The following DPH5 variants were observed in gnomAD, a reference collection of about 807,000 sequenced individuals.
DPH5 encodes the protein diphthine methyl ester synthase.
In DPH5, 31 loss-of-function variants were observed where a neutral mutation model predicts 31.6. The ratio of observed to expected loss-of-function variants is 0.98; its 90% CI spans 0.74 to 1.32. The LOEUF (loss-of-function observed/expected upper bound fraction) is 1.32. Ranked by LOEUF, DPH5 falls within the 40% of genes most tolerant of loss-of-function variation. The probability of loss-of-function intolerance (pLI) is 0.00; values close to 1 mark genes in which losing one functional copy is unlikely to be tolerated. For synonymous variants in DPH5, 120 were observed against 115.0 expected, an observed-to-expected ratio of 1.04 and a Z score of -0.28; for missense variants, 309 against 335.7, an observed-to-expected ratio of 0.92 and a Z score of 0.62.
intron 4 of DPH5, 174 bp downstream of exon 4, chr1:101,013,536 C>G (rs1159755344): frequency 2.4e-6 from 1 of 422,544 alleles, no homozygotes; most frequent in African/African-American, 2.0e-5. Flanking sequence ...GGGGGAAAAC[C>G]TAGCATAAAA....
At chr1:100,997,230 C>T (rs1418163490) in intron 5 of DPH5, among the ~76,000 whole-genome samples, 3 of 152,236 alleles carry the variant, frequency 2.0e-5, no homozygotes, top group African/African-American at 7.2e-5. Flanking sequence ...CCCACGTCTA[C>T]ACTTCCTTAG....
intron 4 of DPH5, among the ~76,000 whole-genome samples, chr1:101,003,549 C>A (rs1659021941): frequency 6.6e-6 from 1 of 152,084 alleles, no homozygotes; most frequent in South Asian, 2.1e-4. Context: ...TTGGGAGGAA[C>A]CCTTCTACAA....
intron 5 of DPH5, chr1:100,995,900 T>C (rs1391789198): frequency 1.3e-5 from 2 of 152,222 alleles, no homozygotes; most frequent in African/African-American, 4.8e-5. Flanking sequence ...TGAAAACAAA[T>C]GGTTCAGCCA....
intron 7 of DPH5, among the ~76,000 whole-genome samples, chr1:100,992,097 C>CAAA (rs746311294): frequency 1.7e-5 from 2 of 120,368 alleles, no homozygotes; most frequent in African/African-American, 3.1e-5. Context: ...GACCCTCTCT[C>CAAA]AAAAAAAAAA....
In DPH5 at chr1:100,990,516, A is replaced by C. The variant is rs1657575742; in HGVS notation, c.750T>G (p.His250Gln). 16 of 1,614,212 alleles carry C rather than the reference A, an allele frequency of 9.9e-6. No individual in the cohort carries two copies. Among genetic ancestry groups the C allele is most frequent in the Non-Finnish European group, 1.4e-5 (16 of 1,180,032 alleles). Residue 250 changes from histidine to glutamine, a missense_variant, in exon 8 of 8, where the codon CAT (histidine) becomes CAG (glutamine). Physicochemically the swap from His to Gln is conservative, Grantham distance 24 (BLOSUM62 0). Coordinates refer to ENST00000370109, the MANE Select transcript of DPH5 (RefSeq NM_015958.3). ...MCTVDLGEPL[H>Q]SLIITGGSIH... ...TGCTGCCTCCTGTGATGATCAAGGA[A>C]TGCAATGGTTCTCCCAAGTCCACAG...
chr1:100,991,895 C>G lies in DPH5; in HGVS notation c.634+742G>C, dbSNP rs189295528. On this transcript the variant is annotated intron_variant, in intron 7 of 7. Coordinates refer to ENST00000370109, the MANE Select transcript of DPH5 (RefSeq NM_015958.3). ...GCTGAGGTGGGAGGATTGCTTGAGC[C>G]AAGGAATTCGAGAAAAGCCTGGGCA... Among the ~76,000 whole-genome samples the G allele has an allele frequency of 5.3e-5, 8 of 151,544 alleles. No individual in the cohort carries two copies. In the East Asian group the frequency reaches 1.6e-3, roughly 29 times the overall value.
At chr1:101,021,511 G>T in intron 3 of DPH5, 130 bp downstream of exon 3, 1 of 828,726 alleles carries the variant, frequency 1.2e-6, no homozygotes, top group Middle Eastern at 3.0e-4. Flanking sequence ...TGACATTTTA[G>T]ATAGCGCTTA....
chr1:101,018,007 A>C (rs957899993), intron 3 of DPH5, among the ~76,000 whole-genome samples: 2 of 152,224 alleles, frequency 1.3e-5, no homozygotes, highest in Non-Finnish European at 2.9e-5. Context: ...AGACACATAC[A>C]TATACACACA....
At chr1:101,020,520 T>A (rs534546705) in intron 3 of DPH5, among the ~76,000 whole-genome samples, 2 of 151,704 alleles carry the variant, frequency 1.3e-5, no homozygotes, top group African/African-American at 4.8e-5. Context: ...CTAAGCTGAT[T>A]CTATCCATTC....
intron 5 of DPH5, among the ~76,000 whole-genome samples, chr1:100,997,343 A>AAT (rs750988626): frequency 5.9e-5 from 9 of 152,050 alleles, no homozygotes; most frequent in Non-Finnish European, 1.2e-4. Context: ...TGAAAAGATA[A>AAT]GTGCTGCTTC....
At chr1:101,024,253 A>G (rs1660670036) in intron 2 of DPH5, among the ~76,000 whole-genome samples, 1 of 152,042 alleles carries the variant, frequency 6.6e-6, no homozygotes, top group South Asian at 2.1e-4. Context: ...TACAAAAAAT[A>G]CAAAAAATTA....
At chr1:101,016,649 G>A (rs1425444865) in intron 3 of DPH5, among the ~76,000 whole-genome samples, 8 of 151,840 alleles carry the variant, frequency 5.3e-5, no homozygotes, top group African/African-American at 1.9e-4. Context: ...GTTTCATCAT[G>A]TTGGCCAGGC....
chr1:101,008,708 ACT>A (rs900771223), intron 4 of DPH5, among the ~76,000 whole-genome samples: 3 of 151,804 alleles, frequency 2.0e-5, no homozygotes, highest in Non-Finnish European at 2.9e-5. Flanking sequence ...TGCTTCCAAG[ACT>A]CTCTCTTTTA....
rs1418821098 is a variant in DPH5 at position 100,993,598 on chromosome 1, A to G, written c.531-858T>C. On this transcript the variant is annotated intron_variant, in intron 6 of 7. Transcript: ENST00000370109. ...TATATATATATATATATATATATAT[A>G]GCTATTGTGGCTTACAACACAGTTC... Among the ~76,000 whole-genome samples the G allele has an allele frequency of 1.0e-4, 13 of 128,236 alleles. No homozygotes were observed. The East Asian group carries it at 2.2e-3, about 22-fold the overall frequency. 84.1% of individuals were successfully genotyped at this position (128,236 alleles called of 152,430 possible). A position where few individuals can be genotyped will look rare whatever the true frequency, so the allele number is the denominator to read the frequency against.
chr1:100,995,392 GAAGAC>G (rs1394935755), intron 5 of DPH5: 12 of 384,358 alleles, frequency 3.1e-5, no homozygotes, highest in Middle Eastern at 7.5e-4. Context: ...TTTTGGAAAA[GAAGAC>G]AAGGGAAAGA....
chr1:101,019,390 T>C (rs1272913156), intron 3 of DPH5, among the ~76,000 whole-genome samples: 1 of 152,174 alleles, frequency 6.6e-6, no homozygotes, highest in Non-Finnish European at 1.5e-5. Flanking sequence ...ACAATGTGAA[T>C]GTACTTAGTA....
Position 100,996,267 on chromosome 1 carries a change from G to T in DPH5, c.491-1118C>A, listed in dbSNP as rs559757752. ...TCTAAGATTTTAAAAATTTTAACCC[G>T]TTTATTAATTCATTCACTCTGAGCT... On this transcript the variant is annotated intron_variant, in intron 5 of 7. Coordinates refer to ENST00000370109, the MANE Select transcript of DPH5 (RefSeq NM_015958.3). 3.9e-5 allele frequency: 6 copies of T among 151,950 alleles called. No homozygotes were observed. The East Asian group carries it at 5.8e-4, about 15-fold the overall frequency. The allele number at this position is 151,950 out of a possible 1,614,324, so 9.4% of individuals were successfully genotyped here.
At chr1:101,021,955 A>G (rs1422621176) in intron 2 of DPH5, among the ~76,000 whole-genome samples, 190 bp from the exon 3 acceptor site, 1 of 152,168 alleles carries the variant, frequency 6.6e-6, no homozygotes, top group African/African-American at 2.4e-5. Flanking sequence ...TCATGTTGCA[A>G]TTAAACTCTG....
intron 4 of DPH5, among the ~76,000 whole-genome samples, chr1:101,003,135 G>A (rs1056618379): frequency 2.6e-5 from 4 of 152,170 alleles, no homozygotes; most frequent in African/African-American, 9.7e-5. Flanking sequence ...TCACAGGTCA[G>A]TGTACAAAGA....
Sources: allele counts gnomAD v4.1 joint callset (sites outside exome capture counted in the v4.1 genomes callset), GRCh38; gene constraint gnomAD v4.1.1; transcripts MANE v1.5; gene names NCBI Gene and HGNC (gene_info 2026-07-23, HGNC 2026-07-21).